The following MYO15B variants were observed in gnomAD, a reference collection of about 807,000 sequenced individuals.
MYO15B encodes the protein myosin XVB, also known as myosin XVB pseudogene.
MYO15B carries 207 observed loss-of-function variants against 119.3 expected under a neutral mutation model. That is an observed-to-expected ratio of 1.73 (90% confidence interval 1.55 to 1.95). MYO15B has a LOEUF of 1.95. Among genes scored for constraint, MYO15B ranks in the 30% most tolerant of loss-of-function variants. The probability of loss-of-function intolerance (pLI) is 0.00; values close to 1 mark genes in which losing one functional copy is unlikely to be tolerated. For synonymous variants in MYO15B, 966 were observed against 498.9 expected, an observed-to-expected ratio of 1.94 and a Z score of -12.48; for missense variants, 2,264 against 1,203.1, an observed-to-expected ratio of 1.88 and a Z score of -13.04.
chr17:75,617,557 A>T (rs1340597305), intron 41 of MYO15B: 3 of 380,414 alleles, frequency 7.9e-6, no homozygotes, highest in Non-Finnish European at 1.5e-5. Context: ...CACATACCCG[A>T]CAGCTCTGTG....
intron 52 of MYO15B, 105 bp from the exon 53 acceptor site, chr17:75,621,897 AGT>A (rs1211301361): frequency 3.1e-6 from 2 of 646,106 alleles, no homozygotes; most frequent in Non-Finnish European, 5.7e-6. Context: ...GCATTTTGAG[AGT>A]GAGGCATCAG....
chr17:75,588,929 C>A (rs1348885333), exon 1 of MYO15B: 2 of 398,204 alleles, frequency 5.0e-6, no homozygotes, highest in East Asian at 3.6e-5. Flanking sequence ...GAGCCAGAAA[C>A]AATGCAGGCC....
At position 75,605,508 on chromosome 17, in the gene MYO15B, C is replaced by T; in HGVS notation, c.4021C>T (p.Gln1341Ter). 1.4e-6 allele frequency: 1 copy of T among 702,736 alleles called. No homozygotes were observed. Among genetic ancestry groups the T allele is most frequent in the South Asian group, 1.5e-5 (1 of 67,602 alleles). The allele number at this position is 702,736 out of a possible 1,614,324, so 43.5% of individuals were successfully genotyped here. A position where few individuals can be genotyped will look rare whatever the true frequency, so the allele number is the denominator to read the frequency against. ...TCAGCTCCATCCTTGGAGCAGCTTC[C>T]AGGCCCTGGGGTCAGAAGGGCAGGA... is the stretch of plus-strand genomic sequence containing the variant. The change falls in exon 20 of 64, where the codon CAG (glutamine) becomes TAG (stop). Residue 1341 changes from glutamine (Q) to a stop codon, truncating the protein, a stop_gained. Transcript: ENST00000645453. LOFTEE classifies it high-confidence loss of function.
chr17:75,609,083 C>G (rs2057837887), intron 21 of MYO15B, among the ~76,000 whole-genome samples: 1 of 152,096 alleles, frequency 6.6e-6, no homozygotes, highest in South Asian at 2.1e-4. Context: ...CCAGGCTGGT[C>G]TCAAGCTCCT....
chr17:75,625,340 G>A, intron 60 of MYO15B, 102 bp downstream of exon 60: 1 of 640,486 alleles, frequency 1.6e-6, no homozygotes. Flanking sequence ...GCCAGGAGCA[G>A]CGGGGCCTGT....
rs573497101 is a variant in MYO15B, at chr17:75,594,596, C to T, written c.3105+8C>T. On this transcript the variant is annotated splice_region_variant and intron_variant, in intron 10 of 63. Coordinates refer to ENST00000645453, the Ensembl canonical transcript of MYO15B. ...GTCACCAGGAGGGTCACGGTGAGCCCGAGGGTCCTGGGGAGAGGGGCCTGG... is the reference window on the plus strand; with the variant it reads ...GTCACCAGGAGGGTCACGGTGAGCCTGAGGGTCCTGGGGAGAGGGGCCTGG... 455 of 677,482 alleles carry T rather than the reference C, an allele frequency of 6.7e-4. 2 individuals are homozygous for T. Among genetic ancestry groups the T allele is most frequent in the African/African-American group, 6.1e-3 (345 of 56,730 alleles). The allele number at this position is 677,482 out of a possible 1,614,324, so 42.0% of individuals were successfully genotyped here.
intron 44 of MYO15B, 22 bp from the exon 45 acceptor site, chr17:75,619,336 C>G (rs2058564896): frequency 2.8e-6 from 2 of 702,388 alleles, no homozygotes; most frequent in African/African-American, 3.5e-5. Flanking sequence ...CAGAGGGCAG[C>G]CTGGGTCCTT....
chr17:75,620,613 G>C, exon 49 of MYO15B: 1 of 701,962 alleles, frequency 1.4e-6, no homozygotes, highest in Non-Finnish European at 2.6e-6. Flanking sequence ...ACCAGGGCTG[G>C]CTCGGTGGGA....
Position 75,599,635 on chromosome 17 carries a change from G to A in MYO15B, c.3526-1803G>A, listed in dbSNP as rs532444231. 2.5e-4 allele frequency among the ~76,000 whole-genome samples: 38 copies of A among 151,828 alleles called. No homozygotes were observed. The East Asian group carries it at 5.0e-3, about 20-fold the overall frequency. Reference sequence around the variant, plus strand: ...TTAAAAGCACATGTAGGCCGGGCGCGGTGGCTCATCTCTGTAATCCCAGAA... The same window carrying A: ...TTAAAAGCACATGTAGGCCGGGCGCAGTGGCTCATCTCTGTAATCCCAGAA... On this transcript the variant is annotated intron_variant, in intron 14 of 63. Coordinates refer to ENST00000645453, the Ensembl canonical transcript of MYO15B.
exon 64 of MYO15B, chr17:75,626,718 G>A: frequency 1.7e-6 from 1 of 574,760 alleles, no homozygotes; most frequent in Non-Finnish European, 3.1e-6. Flanking sequence ...CAGGAACTCG[G>A]CTGGGGCACC....
Position 75,626,074 on chromosome 17 carries a change from TCTGCTGCCCCCAGAGCCTGTA to T in MYO15B, c.9073-9_9084del, listed in dbSNP as rs1206785157. 2 of 701,748 alleles carry T rather than the reference TCTGCTGCCCCCAGAGCCTGTA, an allele frequency of 2.9e-6. No homozygotes were observed. The highest frequency in any genetic ancestry group is 2.6e-6 in the Non-Finnish European group (1 of 384,436). 43.5% of individuals were successfully genotyped at this position (701,748 alleles called of 1,614,324 possible). On this transcript the variant is annotated splice_acceptor_variant and splice_polypyrimidine_tract_variant and coding_sequence_variant and intron_variant, in exon 63 of 64. Transcript: ENST00000645453. LOFTEE classifies it high-confidence loss of function. Reference sequence around the variant, plus strand: ...CCCGGAGAGGAGACCAGCCCTGCTCTCTGCTGCCCCCAGAGCCTGTACTGCCGCATTGCCCTGAAGAGCCTG... The same window carrying T: ...CCCGGAGAGGAGACCAGCCCTGCTCTCTGCCGCATTGCCCTGAAGAGCCTG...
intron 44 of MYO15B, 23 bp downstream of exon 44, chr17:75,619,241 G>T (rs2058558854): frequency 1.4e-6 from 1 of 702,734 alleles, no homozygotes; most frequent in African/African-American, 1.7e-5. Flanking sequence ...GGACCATGGA[G>T]TTGGGAGCTT....
rs1267029843 is a variant in MYO15B, at chr17:75,613,406, C to T, written c.5081C>T (p.Thr1694Ile). 7.4e-6 allele frequency: 5 copies of T among 675,000 alleles called. No homozygotes were observed. The Admixed American group carries it at 7.4e-5, about 10-fold the overall frequency. The allele number at this position is 675,000 out of a possible 1,614,324, so 41.8% of individuals were successfully genotyped here. A position where few individuals can be genotyped will look rare whatever the true frequency, so the allele number is the denominator to read the frequency against. Residue 1694 changes from threonine (T) to isoleucine (I), a missense_variant, in exon 28 of 64, where the codon ACC (threonine) becomes ATC (isoleucine). Transcript: ENST00000645453. The stretch of plus-strand genomic sequence containing the variant: ...GGGGCCACTCGGGCCCACCCCCCGA[C>T]CCAGCTGGAGTGGCTGGCCGGATGG...
At chr17:75,594,660 T>G (rs2056731851) in intron 10 of MYO15B, 41 bp from the exon 11 acceptor site, 1 of 701,796 alleles carries the variant, frequency 1.4e-6, no homozygotes, top group South Asian at 1.5e-5. Context: ...CCATGAGGGC[T>G]GCAGGCCTGA....
At position 75,609,571 on chromosome 17, in the gene MYO15B, GTCAGA is replaced by G. The variant is rs1396865444; in HGVS notation, c.4293-592_4293-588del. 4.8e-5 allele frequency among the ~76,000 whole-genome samples: 7 copies of G among 146,760 alleles called. No individual in the cohort carries two copies. In the South Asian group the frequency reaches 1.3e-3, roughly 27 times the overall value. ...GGTATTCTAGGCCCAGGGTCAGAGA[GTCAGA>G]TCTTAATCCCTCAGGCTAAACAGTC... On this transcript the variant is annotated intron_variant, in intron 21 of 63. Transcript: ENST00000645453.
chr17:75,623,201 C>T (rs780219250), intron 53 of MYO15B, among the ~76,000 whole-genome samples: 1 of 152,086 alleles, frequency 6.6e-6, no homozygotes, highest in Non-Finnish European at 1.5e-5. Flanking sequence ...CGTGGTGGAG[C>T]ACACCTGTAG....
chr17:75,588,048 T>C (rs930600533), exon 1 of MYO15B: 8 of 398,360 alleles, frequency 2.0e-5, no homozygotes, highest in African/African-American at 1.4e-4. Context: ...CCGTCTCCTT[T>C]GGGCCAGCCA....
At chr17:75,618,138 C>T (rs201541077) in exon 43 of MYO15B, 50 of 703,208 alleles carry the variant, frequency 7.1e-5, no homozygotes, top group Non-Finnish European at 1.1e-4. Context: ...GTTCTACCCA[C>T]GGGAGAACTT....
At chr17:75,601,713 A>C in intron 15 of MYO15B, 150 bp downstream of exon 15, 1 of 607,648 alleles carries the variant, frequency 1.6e-6, no homozygotes, top group Non-Finnish European at 3.0e-6. Context: ...GGCCCTGCCC[A>C]GTTCTGAGCA....
Sources: gnomAD v4.1 joint callset for allele counts (sites outside exome capture counted in the v4.1 genomes callset) on GRCh38, gnomAD v4.1.1 for gene constraint, MANE v1.5 for transcripts, NCBI Gene and HGNC (gene_info 2026-07-23, HGNC 2026-07-21) for gene names.